Variants in ROR2 observed in about 807,000 individuals in gnomAD.
The protein encoded by ROR2 is ROR family WNT receptor 2, also known as tyrosine-protein kinase transmembrane receptor ROR2.
In ROR2, 33 loss-of-function variants were observed where a neutral mutation model predicts 74.9. That is an observed-to-expected ratio of 0.44 (90% CI 0.33 to 0.59). The LOEUF (loss-of-function observed/expected upper bound fraction) is 0.59. Among genes scored for constraint, ROR2 ranks in the 20% least tolerant of loss-of-function variants. The probability of loss-of-function intolerance (pLI) is 0.02; values close to 1 mark genes in which losing one functional copy is unlikely to be tolerated. For missense variants in ROR2, 1,216 were observed against 1,313.8 expected (o/e 0.93, Z 1.15); for synonymous variants, 586 against 558.7 (o/e 1.05, Z -0.69).
In ROR2 at chr9:91,724,762, C is replaced by T. The variant is rs139802697; in HGVS notation, c.1732G>A (p.Asp578Asn). The change falls in exon 9 of 9, where the codon GAT (aspartate) becomes AAT (asparagine). Residue 578 changes from aspartate to asparagine, a missense_variant. By Grantham distance (23) the Asp-to-Asn change is conservative. Transcript: ENST00000375708. ...RSPHSDVGSTDDDRTVKSALE... is the reference protein window; with the variant it reads ...RSPHSDVGSTNDDRTVKSALE... ...GCGGACTTCACCGTGCGGTCATCAT[C>T]GGTGCTGCCCACGTCCGAGTGCGGC... 77 of 1,613,618 alleles carry T rather than the reference C, an allele frequency of 4.8e-5. No individual in the cohort carries two copies. Among genetic ancestry groups the T allele is most frequent in the Middle Eastern group, 3.3e-4 (2 of 6,082 alleles).
intron 1 of ROR2, among the ~76,000 whole-genome samples, chr9:91,871,773 C>T (rs983047054): frequency 2.0e-5 from 3 of 152,122 alleles, no homozygotes; most frequent in Non-Finnish European, 4.4e-5. Context: ...TTTTGGAACC[C>T]AGCCACCATG....
At chr9:91,778,586 T>C (rs879522655) in intron 1 of ROR2, among the ~76,000 whole-genome samples, 3 of 152,118 alleles carry the variant, frequency 2.0e-5, no homozygotes, top group African/African-American at 4.8e-5. Context: ...AGAAAAGAGA[T>C]TCTGAGAGGA....
chr9:91,729,825 A>G (rs1264646227), intron 7 of ROR2, among the ~76,000 whole-genome samples: 1 of 152,232 alleles, frequency 6.6e-6, no homozygotes, highest in Non-Finnish European at 1.5e-5. Flanking sequence ...GAGGACAAGC[A>G]ATGAATTCTA....
chr9:91,792,551 G>A (rs750435891), intron 1 of ROR2, among the ~76,000 whole-genome samples: 27 of 152,166 alleles, frequency 1.8e-4, no homozygotes, highest in Non-Finnish European at 2.6e-4. Context: ...CTTGTGATCC[G>A]CCCACCTTGG....
intron 1 of ROR2, among the ~76,000 whole-genome samples, chr9:91,935,267 A>T (rs73520881): frequency 0.1 from 15,301 of 152,276 alleles, 1,370 homozygotes; most frequent in African/African-American, 0.24. Flanking sequence ...CCAGCTGGCC[A>T]AGCACCCCTG....
rs375874436 is a variant in ROR2, at chr9:91,731,040, G to A, written c.1053C>T (p.Ser351=). 6.2e-7 allele frequency: 1 copy of A among 1,614,192 alleles called. No individual in the cohort carries two copies. Among genetic ancestry groups the A allele is most frequent in the East Asian group, 2.2e-5 (1 of 44,876 alleles). Residue 351 remains serine, a synonymous_variant, in exon 7 of 9, where the codon TCC becomes TCT. Transcript: ENST00000375708. Reference sequence around the variant, plus strand: ...CTCCAAGCTCAGGGAAGTCTGTGCTGGACAGGTGGTGGCTGTGGGGGTGCT... The same window carrying A: ...CTCCAAGCTCAGGGAAGTCTGTGCTAGACAGGTGGTGGCTGTGGGGGTGCT... ...ALQHPHSHHL[S]STDFPELGGG... is the part of the protein sequence containing the mutation.
chr9:91,896,490 G>A (rs1413099081), intron 1 of ROR2, among the ~76,000 whole-genome samples: 4 of 152,030 alleles, frequency 2.6e-5, no homozygotes, highest in Admixed American at 6.6e-5. Flanking sequence ...CGGATTTTGC[G>A]CAGCCAACAG....
At chr9:91,924,709 C>A (rs1033673975) in intron 1 of ROR2, among the ~76,000 whole-genome samples, 1 of 151,772 alleles carries the variant, frequency 6.6e-6, no homozygotes, top group Non-Finnish European at 1.5e-5. Context: ...AGGAGAATGG[C>A]GGGAACCCAG....
intron 2 of ROR2, among the ~76,000 whole-genome samples, chr9:91,770,085 G>A (rs983439359): frequency 1.3e-5 from 2 of 152,014 alleles, no homozygotes; most frequent in Non-Finnish European, 2.9e-5. Context: ...ATTGTTCTAT[G>A]TGTCTAGACC....
At position 91,723,685 on chromosome 9, in the gene ROR2, C is replaced by G. The variant is rs778409919; in HGVS notation, c.2809G>C (p.Ala937Pro). The G allele has an allele frequency of 6.2e-7, 1 of 1,613,826 alleles. No homozygotes were observed. Among genetic ancestry groups the G allele is most frequent in the South Asian group, 1.1e-5 (1 of 91,066 alleles). Residue 937 changes from alanine to proline, a missense_variant, in exon 9 of 9, where the codon GCC becomes CCC. Physicochemically the swap from Ala to Pro is conservative, Grantham distance 27. Coordinates refer to ENST00000375708, the MANE Select transcript of ROR2 (RefSeq NM_004560.4). ...ACTCAAGCTTCCAGCTGGACTTGGG[C>G]CTCGTCCACCTGCAGAGTGTCACAG... Reference protein sequence around the residue: ...GDCDTLQVDEAQVQLEA With the variant: ...GDCDTLQVDEPQVQLEA
intron 1 of ROR2, among the ~76,000 whole-genome samples, chr9:91,935,811 A>G (rs1831667725): frequency 6.6e-6 from 1 of 152,240 alleles, no homozygotes; most frequent in African/African-American, 2.4e-5. Flanking sequence ...CTCCAGGCCA[A>G]TAGCTGGAGG....
chr9:91,723,981 T>C lies in ROR2; in HGVS notation c.2513A>G (p.Tyr838Cys). 4 of 1,612,918 alleles carry C rather than the reference T, an allele frequency of 2.5e-6. No homozygotes were observed. Among genetic ancestry groups the C allele is most frequent in the Non-Finnish European group, 1.7e-6 (2 of 1,179,992 alleles). Residue 838 changes from tyrosine to cysteine, a missense_variant, in exon 9 of 9, where the codon TAC becomes TGC. Tyr to Cys is a radical substitution (Grantham distance 194). Coordinates refer to ENST00000375708, the MANE Select transcript of ROR2 (RefSeq NM_004560.4). ...CATCTGCATTGGGATCTGCACCGGG[T>C]AGAAGTTGGGCAGGTAGGCCCCATA... ...PAYGAYLPNF[Y>C]PVQIPMQMAP...
intron 1 of ROR2, among the ~76,000 whole-genome samples, chr9:91,838,081 G>T (rs981851257): frequency 1.3e-5 from 2 of 152,080 alleles, no homozygotes; most frequent in African/African-American, 4.8e-5. Context: ...TTTATTTAGG[G>T]ATTTACAGTT....
Position 91,724,490 on chromosome 9 carries a change from C to G in ROR2, c.2004G>C (p.Lys668Asn), listed in dbSNP as rs540013307. The change falls in exon 9 of 9, where the codon AAG becomes AAC. Residue 668 changes from lysine (K) to asparagine (N), a missense_variant. Transcript: ENST00000375708. ...WMAPEAIMYG[K>N]FSIDSDIWSY... ...ACCAGATGTCTGAGTCGATGGAGAA[C>G]TTGCCGTACATGATGGCCTCTGGGG... is the stretch of plus-strand genomic sequence containing the variant. 3.7e-6 allele frequency: 6 copies of G among 1,614,238 alleles called. No homozygotes were observed. The highest frequency in any genetic ancestry group is 1.3e-5 in the African/African-American group (1 of 75,076).
intron 1 of ROR2, among the ~76,000 whole-genome samples, chr9:91,944,605 T>C (rs905620185): frequency 2.0e-5 from 3 of 151,904 alleles, no homozygotes; most frequent in Admixed American, 1.3e-4. Context: ...AAAACACAAT[T>C]CCAATTACAA....
intron 4 of ROR2, among the ~76,000 whole-genome samples, chr9:91,746,596 GC>G (rs1825428297): frequency 6.6e-6 from 1 of 152,112 alleles, no homozygotes; most frequent in Non-Finnish European, 1.5e-5. Context: ...GGCGAGAGGT[GC>G]CTTCAAATCA....
chr9:91,877,683 CTG>C (rs1195202349), intron 1 of ROR2, among the ~76,000 whole-genome samples: 2 of 152,332 alleles, frequency 1.3e-5, no homozygotes, highest in Admixed American at 1.3e-4. Flanking sequence ...CATTTTATAA[CTG>C]GAGTTCATTA....
chr9:91,880,983 T>G (rs1830092228), intron 1 of ROR2, among the ~76,000 whole-genome samples: 1 of 152,190 alleles, frequency 6.6e-6, no homozygotes, highest in African/African-American at 2.4e-5. Flanking sequence ...TGTATTAGGA[T>G]TATGTACAAG....
chr9:91,851,697 C>G (rs139089393), intron 1 of ROR2, among the ~76,000 whole-genome samples: 323 of 152,066 alleles, frequency 2.1e-3, no homozygotes, highest in African/African-American at 7.2e-3. Flanking sequence ...GGTTTTCTGG[C>G]CGGGCATGGT....
Sources: gnomAD v4.1 joint callset for allele counts (sites outside exome capture counted in the v4.1 genomes callset) on GRCh38, gnomAD v4.1.1 for gene constraint, MANE v1.5 for transcripts, NCBI Gene and HGNC (gene_info 2026-07-23, HGNC 2026-07-21) for gene names.